ASB18: variants seen among roughly 807,000 people sequenced by gnomAD.
ASB18 encodes ankyrin repeat and SOCS box protein 18.
In ASB18, 33 loss-of-function variants were observed where a neutral mutation model predicts 33.4. That is an observed-to-expected ratio of 0.99 (90% CI 0.75 to 1.32). The LOEUF is 1.32. Ranked by LOEUF, ASB18 falls within the 40% of genes most tolerant of loss-of-function variation. The pLI is 0.00. For missense variants in ASB18, 694 were observed against 655.5 expected (o/e 1.06, Z -0.64); for synonymous variants, 295 against 307.6 (o/e 0.96, Z 0.43).
rs139376663 is a variant in ASB18 at position 236,212,338 on chromosome 2, G to A, written c.1101+2024C>T. Among the ~76,000 whole-genome samples, 204 of 152,284 alleles carry A rather than the reference G, an allele frequency of 1.3e-3. 1 individual carries two copies. Among genetic ancestry groups the A allele is most frequent in the African/African-American group, 4.7e-3 (197 of 41,554 alleles). On this transcript the variant is annotated intron_variant, in intron 4 of 5. Transcript: ENST00000409749. ...GTCCTGCATCTCTAGTCAAGGCAGT[G>A]TAATTTCTACAGCCTTGGAAACAGA...
In ASB18 at chr2:236,211,749, CAG is replaced by C. The variant is rs1269638910; in HGVS notation, c.1101+2611_1101+2612del. Among the ~76,000 whole-genome samples the C allele has an allele frequency of 1.1e-4, 17 of 152,194 alleles. No individual in the cohort carries two copies. Among genetic ancestry groups the C allele is most frequent in the Non-Finnish European group, 1.8e-4 (12 of 68,044 alleles). On this transcript the variant is annotated intron_variant, in intron 4 of 5. Coordinates refer to ENST00000409749, the MANE Select transcript of ASB18 (RefSeq NM_212556.4). The surrounding 1 kb of genome is among the most constrained non-coding windows in gnomAD (Gnocchi z 5.0). ...GGAAGAGGCTGCCTCTAGCTTTCCACAGAGTTTTGCTTCGGTTGTGGGGACCA... is the reference window on the plus strand; with the variant it reads ...GGAAGAGGCTGCCTCTAGCTTTCCACAGTTTTGCTTCGGTTGTGGGGACCA...
At chr2:236,254,257 G>A (rs1244751788) in intron 1 of ASB18, 1 of 152,092 alleles carries the variant, frequency 6.6e-6, no homozygotes, top group Non-Finnish European at 1.5e-5. Flanking sequence ...CAGCTTTGTG[G>A]GAAGAAGTGT....
At position 236,196,372 on chromosome 2, in the gene ASB18, C is replaced by G. The variant is rs1277972885; in HGVS notation, c.1115G>C (p.Cys372Ser). 1 of 1,560,804 alleles carries G rather than the reference C, an allele frequency of 6.4e-7. No homozygotes were observed. The highest frequency in any genetic ancestry group is 8.7e-7 in the Non-Finnish European group (1 of 1,151,246). The change falls in exon 5 of 6, where the codon TGT becomes TCT. Residue 372 changes from cysteine to serine, a missense_variant. Coordinates refer to ENST00000409749, the MANE Select transcript of ASB18 (RefSeq NM_212556.4). The surrounding 1 kb of genome is among the most constrained non-coding windows in gnomAD (Gnocchi z 5.6). ...CTCGATGACTGCGGGGACAGATGCA[C>G]AGGTCTTCAGCACCTGGTGGGAAGA... is the stretch of plus-strand genomic sequence containing the variant. ...PDAFPKVLKT[C>S]ASVPAVIEVL...
In ASB18 at chr2:236,253,122, A is replaced by G. The variant is rs116005186; in HGVS notation, c.205+11019T>C. Among the ~76,000 whole-genome samples the G allele has an allele frequency of 9.4e-3, 1,428 of 152,288 alleles. 21 individuals carry two copies. The highest frequency in any genetic ancestry group is 0.033 in the African/African-American group (1,362 of 41,566). ...CCTAGGAAGTTTCCTGCCAAACTCC[A>G]GTCAGCACCCAACGCTGACCCCTGA... On this transcript the variant is annotated intron_variant, in intron 1 of 5. Transcript: ENST00000409749. This position sits in a 1 kb window ranked among gnomAD's most constrained non-coding sequence, Gnocchi z 5.4.
rs1325536580 is a variant in ASB18 at position 236,214,979 on chromosome 2, C to T, written c.597-113G>A. On this transcript the variant is annotated intron_variant, in intron 3 of 5. Transcript: ENST00000409749. This position sits in a 1 kb window ranked among gnomAD's most constrained non-coding sequence, Gnocchi z 6.5. ...GACCTCTGAATGAAAAGACATGCTC[C>T]GCTCTCCCATACCAAGGCGTCAGGA... 9.9e-6 allele frequency: 8 copies of T among 808,172 alleles called. No individual in the cohort carries two copies. Among genetic ancestry groups the T allele is most frequent in the African/African-American group, 5.5e-5 (3 of 54,228 alleles). The allele number at this position is 808,172 out of a possible 1,614,324, so 50.1% of individuals were successfully genotyped here.
rs183268746 is a variant in ASB18 at position 236,243,311 on chromosome 2, C to G, written c.206-1909G>C. On this transcript the variant is annotated intron_variant, in intron 1 of 5. Transcript: ENST00000409749. Reference sequence around the variant, plus strand: ...TGCCACTGCACTCCAGCCTGGGCAACAGAGCGAGACTCCATCTCAAAAAAA... The same window carrying G: ...TGCCACTGCACTCCAGCCTGGGCAAGAGAGCGAGACTCCATCTCAAAAAAA... 1.4e-4 allele frequency among the ~76,000 whole-genome samples: 18 copies of G among 130,064 alleles called. 1 individual carries two copies. In the East Asian group the frequency reaches 3.9e-3, roughly 28 times the overall value. The allele number at this position is 130,064 out of a possible 152,430, so 85.3% of individuals were successfully genotyped here.
chr2:236,258,957 T>C (rs1391087516), intron 1 of ASB18, among the ~76,000 whole-genome samples: 1 of 152,220 alleles, frequency 6.6e-6, no homozygotes, highest in African/African-American at 2.4e-5. Context: ...CTGACATCCT[T>C]AATAATAGCA....
intron 1 of ASB18, among the ~76,000 whole-genome samples, chr2:236,243,155 C>A (rs2060629667): frequency 6.6e-6 from 1 of 151,436 alleles, no homozygotes; most frequent in African/African-American, 2.4e-5. Context: ...ACAGTGAAAC[C>A]CCGTCTCTAC....
intron 1 of ASB18, among the ~76,000 whole-genome samples, chr2:236,258,138 A>G (rs1320425980): frequency 2.0e-5 from 3 of 152,190 alleles, no homozygotes; most frequent in Non-Finnish European, 4.4e-5. Flanking sequence ...CTCGCTGCCT[A>G]CTTGACCTGA....
At position 236,219,116 on chromosome 2, in the gene ASB18, T is replaced by C. The variant is rs1339101544; in HGVS notation, c.597-4250A>G. The stretch of plus-strand genomic sequence containing the variant: ...CTCTCAAACTCCTGGGCTTAAGTGA[T>C]CCTCCTACCTTGGCCTCTCAAAGTG... On this transcript the variant is annotated intron_variant, in intron 3 of 5. Coordinates refer to ENST00000409749, the MANE Select transcript of ASB18 (RefSeq NM_212556.4). This position sits in a 1 kb window ranked among gnomAD's most constrained non-coding sequence, Gnocchi z 6.4. Among the ~76,000 whole-genome samples the C allele has an allele frequency of 6.6e-6, 1 of 152,056 alleles. No homozygotes were observed. Among genetic ancestry groups the C allele is most frequent in the African/African-American group, 2.4e-5 (1 of 41,396 alleles).
At position 236,228,762 on chromosome 2, in the gene ASB18, A is replaced by C. The variant is rs1307522103; in HGVS notation, c.596+8927T>G. Among the ~76,000 whole-genome samples the C allele has an allele frequency of 6.6e-6, 1 of 152,172 alleles. No individual in the cohort carries two copies. The highest frequency in any genetic ancestry group is 1.5e-5 in the Non-Finnish European group (1 of 68,030). On this transcript the variant is annotated intron_variant, in intron 3 of 5. Coordinates refer to ENST00000409749, the MANE Select transcript of ASB18 (RefSeq NM_212556.4). The surrounding 1 kb of genome is among the most constrained non-coding windows in gnomAD (Gnocchi z 5.1). ...TACCAAAAAGAGTTGTCTCAGTAGC[A>C]GAAAAAAAAATTAACCTTAGACTAA...
rs2060475112 is a variant in ASB18 at position 236,214,455 on chromosome 2, G to C, written c.1008C>G (p.Thr336=). 2 of 1,532,866 alleles carry C rather than the reference G, an allele frequency of 1.3e-6. No homozygotes were observed. Among genetic ancestry groups the C allele is most frequent in the Non-Finnish European group, 8.7e-7 (1 of 1,146,426 alleles). 95.0% of individuals were successfully genotyped at this position (1,532,866 alleles called of 1,614,324 possible). A position where few individuals can be genotyped will look rare whatever the true frequency, so the allele number is the denominator to read the frequency against. The change falls in exon 4 of 6, where the codon ACC becomes ACG. Residue 336 remains threonine (T), a synonymous_variant. Transcript: ENST00000409749. The surrounding 1 kb of genome is among the most constrained non-coding windows in gnomAD (Gnocchi z 6.5). The part of the protein sequence containing the change: ...GASPLGRVLQ[T]ASCALQASPQ... The stretch of plus-strand genomic sequence containing the variant: ...GTGAGGCCTGGAGAGCGCAGGATGC[G>C]GTCTGGAGCACGCGGCCCAGCGGCG...
At position 236,249,389 on chromosome 2, in the gene ASB18, T is replaced by C. The variant is rs184260870; in HGVS notation, c.206-7987A>G. ...GTGTATCTGGCAATCACACTGAGGA[T>C]GTGAAGGGGTCTGTCACAGTTTGCA... On this transcript the variant is annotated intron_variant, in intron 1 of 5. Coordinates refer to ENST00000409749, the MANE Select transcript of ASB18 (RefSeq NM_212556.4). The surrounding 1 kb of genome is among the most constrained non-coding windows in gnomAD (Gnocchi z 4.6). 6.6e-6 allele frequency: 1 copy of C among 152,358 alleles called. No homozygotes were observed. The highest frequency in any genetic ancestry group is 6.5e-5 in the Admixed American group (1 of 15,294). 9.4% of individuals were successfully genotyped at this position (152,358 alleles called of 1,614,324 possible).
intron 4 of ASB18, among the ~76,000 whole-genome samples, chr2:236,202,544 C>T (rs10929165): frequency 6.6e-6 from 1 of 151,710 alleles, no homozygotes. Context: ...ACCTAGGCCT[C>T]ATGCAGTGGC....
In ASB18 at chr2:236,257,005, A is replaced by G. The variant is rs117161900; in HGVS notation, c.205+7136T>C. Among the ~76,000 whole-genome samples the G allele has an allele frequency of 2.8e-4, 42 of 152,310 alleles. No homozygotes were observed. In the East Asian group the frequency reaches 7.9e-3, roughly 29 times the overall value. ...CTGCTGCAGCAGCCATTTTGTTCCTAAATAATTCAACTATATTCAAAGATA... is the reference window on the plus strand; with the variant it reads ...CTGCTGCAGCAGCCATTTTGTTCCTGAATAATTCAACTATATTCAAAGATA... On this transcript the variant is annotated intron_variant, in intron 1 of 5. Coordinates refer to ENST00000409749, the MANE Select transcript of ASB18 (RefSeq NM_212556.4). The surrounding 1 kb of genome is among the most constrained non-coding windows in gnomAD (Gnocchi z 5.5).
At chr2:236,197,408 G>C (rs751524433) in intron 4 of ASB18, among the ~76,000 whole-genome samples, 4 of 152,174 alleles carry the variant, frequency 2.6e-5, no homozygotes, top group Non-Finnish European at 5.9e-5. Context: ...TGACTTACTT[G>C]TGGTGGGAAC....
At position 236,235,639 on chromosome 2, in the gene ASB18, C is replaced by T. The variant is rs2060585426; in HGVS notation, c.596+2050G>A. Reference sequence around the variant, plus strand: ...TGGTGAGGCTGTAAAGCAACTGGAACATGCAGACATCGCTGGTGCGGATGT... The same window carrying T: ...TGGTGAGGCTGTAAAGCAACTGGAATATGCAGACATCGCTGGTGCGGATGT... On this transcript the variant is annotated intron_variant, in intron 3 of 5. Transcript: ENST00000409749. This position sits in a 1 kb window ranked among gnomAD's most constrained non-coding sequence, Gnocchi z 6.2. 6.6e-6 allele frequency among the ~76,000 whole-genome samples: 1 copy of T among 152,230 alleles called. No homozygotes were observed. The highest frequency in any genetic ancestry group is 1.5e-5 in the Non-Finnish European group (1 of 68,044).
rs940533525 is a variant in ASB18, at chr2:236,226,516, C to T, written c.596+11173G>A. Reference sequence around the variant, plus strand: ...TTAATAAAAAGACATTTAAAAAGTCCTTATTAAACAATGGCCTGGGCCTGT... The same window carrying T: ...TTAATAAAAAGACATTTAAAAAGTCTTTATTAAACAATGGCCTGGGCCTGT... On this transcript the variant is annotated intron_variant, in intron 3 of 5. Transcript: ENST00000409749. The surrounding 1 kb of genome is among the most constrained non-coding windows in gnomAD (Gnocchi z 4.8). Among the ~76,000 whole-genome samples, 5 of 152,040 alleles carry T rather than the reference C, an allele frequency of 3.3e-5. No homozygotes were observed. Among genetic ancestry groups the T allele is most frequent in the African/African-American group, 1.2e-4 (5 of 41,398 alleles).
intron 1 of ASB18, chr2:236,247,253 G>A (rs1235932330): frequency 1.4e-5 from 2 of 146,856 alleles, no homozygotes; most frequent in Non-Finnish European, 1.5e-5. Flanking sequence ...TAAAGAACAA[G>A]AATAGCCACA....
Sources: allele counts gnomAD v4.1 joint callset (sites outside exome capture counted in the v4.1 genomes callset), GRCh38; gene constraint gnomAD v4.1.1; non-coding constraint Gnocchi (gnomAD v3.1); transcripts MANE v1.5; gene names NCBI Gene and HGNC (gene_info 2026-07-23, HGNC 2026-07-21).